Variants in SRRM4 observed in about 807,000 individuals in gnomAD.
The protein encoded by SRRM4 is serine/arginine repetitive matrix 4.
In SRRM4, 33 loss-of-function variants were observed where a neutral mutation model predicts 68.9. The observed-to-expected ratio is 0.48, with a 90% CI of 0.36 to 0.64. SRRM4 has a LOEUF of 0.64. Among genes scored for constraint, SRRM4 ranks in the 30% least tolerant of loss-of-function variants. The pLI, the probability that SRRM4 is intolerant of heterozygous loss-of-function variation, is 0.00. For synonymous variants in SRRM4, 318 were observed against 318.8 expected, an observed-to-expected ratio of 1.00 and a Z score of 0.03; for missense variants, 817 against 827.1, an observed-to-expected ratio of 0.99 and a Z score of 0.15.
At chr12:119,055,845 T>C (rs1409243457) in intron 1 of SRRM4, among the ~76,000 whole-genome samples, 5 of 152,206 alleles carry the variant, frequency 3.3e-5, no homozygotes, top group African/African-American at 1.2e-4. Flanking sequence ...GTTGGGAGGA[T>C]ATAAGGAGCT....
chr12:119,003,144 C>G (rs1303295990), intron 1 of SRRM4, among the ~76,000 whole-genome samples: 1 of 151,820 alleles, frequency 6.6e-6, no homozygotes, highest in African/African-American at 2.4e-5. Context: ...ATGTAGCTAC[C>G]TCTGGGTCCC....
At chr12:119,123,694 C>T (rs897890537) in intron 6 of SRRM4, among the ~76,000 whole-genome samples, 3 of 152,182 alleles carry the variant, frequency 2.0e-5, no homozygotes, top group African/African-American at 7.2e-5. Flanking sequence ...TCAAGATAAA[C>T]GATGGCTTAT....
chr12:119,130,830 G>A lies in SRRM4; in HGVS notation c.767G>A (p.Gly256Asp). The change falls in exon 8 of 13, where the codon GGT becomes GAT. Residue 256 changes from glycine to aspartate, a missense_variant. Physicochemically the swap from Gly to Asp is moderately conservative, Grantham distance 94. Transcript: ENST00000267260. ...ATGCTTGGCTACCTGTCAGCCAGGG[G>A]TGTAGTAAGTATTCTTCACAGCCTC... The part of the protein sequence containing the change: ...LQMLGYLSAR[G>D]VITGSGSAAD... 3 of 1,603,096 alleles carry A rather than the reference G, an allele frequency of 1.9e-6. No individual in the cohort carries two copies. The highest frequency in any genetic ancestry group is 2.5e-6 in the Non-Finnish European group (3 of 1,179,374).
Position 119,019,954 on chromosome 12 carries a change from C to CA in SRRM4, c.131+37941_131+37942insA, listed in dbSNP as rs993300743. Among the ~76,000 whole-genome samples, 74 of 74,162 alleles carry CA rather than the reference C, an allele frequency of 1.0e-3. 1 individual carries two copies. The highest frequency in any genetic ancestry group is 1.7e-3 in the Non-Finnish European group (52 of 30,002). 48.7% of individuals were successfully genotyped at this position (74,162 alleles called of 152,430 possible). A position where few individuals can be genotyped will look rare whatever the true frequency, so the allele number is the denominator to read the frequency against. ...CTCTGGACAGTTCCCCCCGCTCCCCCCCCCCCCAAAAAAAAATCACACACA... is the reference window on the plus strand; with the variant it reads ...CTCTGGACAGTTCCCCCCGCTCCCCCACCCCCCCAAAAAAAAATCACACACA... On this transcript the variant is annotated intron_variant, in intron 1 of 12. Transcript: ENST00000267260.
At chr12:119,017,658 A>G (rs1009155751) in intron 1 of SRRM4, among the ~76,000 whole-genome samples, 28 of 152,300 alleles carry the variant, frequency 1.8e-4, no homozygotes, top group African/African-American at 6.3e-4. Context: ...ATAACAAAGA[A>G]AGAGTGGAGT....
At chr12:118,988,320 C>A (rs145119731) in intron 1 of SRRM4, among the ~76,000 whole-genome samples, 3 of 152,320 alleles carry the variant, frequency 2.0e-5, no homozygotes, top group East Asian at 1.9e-4. Context: ...AATACCATTT[C>A]TTTTAATAGG....
At chr12:119,019,572 T>G (rs1207854123) in intron 1 of SRRM4, among the ~76,000 whole-genome samples, 1 of 152,154 alleles carries the variant, frequency 6.6e-6, no homozygotes, top group Non-Finnish European at 1.5e-5. Flanking sequence ...TGGCAACTGC[T>G]CATGCACCCT....
At chr12:118,982,680 T>G (rs571022777) in intron 1 of SRRM4, among the ~76,000 whole-genome samples, 2,604 of 123,668 alleles carry the variant, frequency 0.021, 52 homozygotes, top group African/African-American at 0.083. Context: ...TTTTTTTTTG[T>G]TTTTTTTTTT....
chr12:119,049,185 G>A (rs1234603722), intron 1 of SRRM4, among the ~76,000 whole-genome samples: 1 of 152,186 alleles, frequency 6.6e-6, no homozygotes, highest in Non-Finnish European at 1.5e-5. Context: ...CGTGGCATTG[G>A]ACAGGTGTCC....
chr12:118,994,188 T>A (rs1349055750), intron 1 of SRRM4: 1 of 152,096 alleles, frequency 6.6e-6, no homozygotes, highest in African/African-American at 2.4e-5. Flanking sequence ...AAATAAAAAA[T>A]AAAAATGATT....
In SRRM4 at chr12:119,026,257, G is replaced by A. The variant is rs1292483462; in HGVS notation, c.131+44244G>A. On this transcript the variant is annotated intron_variant, in intron 1 of 12. Coordinates refer to ENST00000267260, the MANE Select transcript of SRRM4 (RefSeq NM_194286.4). ...TGAAATTAAAAAAGAAATGTGAGGTGGAGCTGCTGGAGAGGTTCAGGAAAG... is the reference window on the plus strand; with the variant it reads ...TGAAATTAAAAAAGAAATGTGAGGTAGAGCTGCTGGAGAGGTTCAGGAAAG... Among the ~76,000 whole-genome samples the A allele has an allele frequency of 1.3e-5, 2 of 151,970 alleles. 1 individual carries two copies. The highest frequency in any genetic ancestry group is 4.8e-5 in the African/African-American group (2 of 41,276).
intron 1 of SRRM4, among the ~76,000 whole-genome samples, chr12:119,085,145 A>G (rs866475256): frequency 3.3e-5 from 5 of 152,140 alleles, no homozygotes; most frequent in African/African-American, 1.2e-4. Context: ...AGGTGGATCC[A>G]CCTGCCTTGG....
At chr12:119,038,904 G>A (rs4354749) in intron 1 of SRRM4, among the ~76,000 whole-genome samples, 133,272 of 152,214 alleles carry the variant, frequency 0.88, 58,532 homozygotes, top group Middle Eastern at 0.95. Context: ...GAGGGATGCA[G>A]TTGAGGAGCT....
At chr12:119,112,575 TA>T (rs956228227) in intron 2 of SRRM4, among the ~76,000 whole-genome samples, 1 of 152,110 alleles carries the variant, frequency 6.6e-6, no homozygotes, top group Non-Finnish European at 1.5e-5. Flanking sequence ...ATAGGCTGGA[TA>T]AAGAAAATGT....
chr12:119,028,219 G>A (rs987063617), intron 1 of SRRM4, among the ~76,000 whole-genome samples: 4 of 152,186 alleles, frequency 2.6e-5, no homozygotes, highest in Admixed American at 1.3e-4. Flanking sequence ...CTCTGTGAAG[G>A]AAGGGTGACT....
intron 1 of SRRM4, among the ~76,000 whole-genome samples, chr12:119,026,506 T>C (rs1953549105): frequency 6.6e-6 from 1 of 152,012 alleles, no homozygotes. Flanking sequence ...TCACCACAAA[T>C]ATCCTTTTTC....
intron 1 of SRRM4, among the ~76,000 whole-genome samples, chr12:119,056,108 C>T (rs767143963): frequency 1.3e-5 from 2 of 152,208 alleles, no homozygotes; most frequent in African/African-American, 2.4e-5. Flanking sequence ...CGGCCAGCCC[C>T]CCTCTCAGCC....
At chr12:119,046,819 A>C (rs146482880) in intron 1 of SRRM4, among the ~76,000 whole-genome samples, 1 of 152,246 alleles carries the variant, frequency 6.6e-6, no homozygotes, top group Admixed American at 6.5e-5. Context: ...GAAGCAGCAC[A>C]GTCTGGAACA....
intron 2 of SRRM4, among the ~76,000 whole-genome samples, chr12:119,108,168 T>C (rs994309346): frequency 4.6e-5 from 7 of 152,262 alleles, no homozygotes; most frequent in African/African-American, 1.2e-4. Context: ...GATTGCACTG[T>C]GGTCTGAGAG....
Sources: allele counts gnomAD v4.1 joint callset (sites outside exome capture counted in the v4.1 genomes callset), GRCh38; gene constraint gnomAD v4.1.1; transcripts MANE v1.5; gene names NCBI Gene and HGNC (gene_info 2026-07-23, HGNC 2026-07-21).